Variants in CHERP observed in about 807,000 individuals in gnomAD.
CHERP encodes ERPROT 213-21.
CHERP carries 8 observed loss-of-function variants against 113.8 expected under a neutral mutation model. The observed-to-expected ratio is 0.07, with a 90% CI of 0.04 to 0.13. CHERP has a LOEUF of 0.13. Ranked by LOEUF, CHERP falls within the 10% of genes least tolerant of loss-of-function variation. The probability of loss-of-function intolerance (pLI) is 1.00; values close to 1 mark genes in which losing one functional copy is unlikely to be tolerated. For synonymous variants in CHERP, 559 were observed against 524.5 expected (o/e 1.07, Z -0.90); for missense variants, 884 against 1,298.2 (o/e 0.68, Z 4.90).
Position 16,518,937 on chromosome 19 carries a change from A to G in CHERP, c.*222T>C. ...ACGAGCCTGGGGCCCTGGTGGCTGC[A>G]GCGCCTCCTGGTGTGGTTTGTGGGT... On this transcript the variant is annotated 3_prime_UTR_variant, in exon 17 of 17. Transcript: ENST00000546361. The G allele has an allele frequency of 7.0e-6, 4 of 569,870 alleles. No homozygotes were observed. The highest frequency in any genetic ancestry group is 3.0e-5 in the East Asian group (1 of 32,838). 35.3% of individuals were successfully genotyped at this position (569,870 alleles called of 1,614,324 possible).
At chr19:16,533,605 T>G (rs2085721623) in intron 3 of CHERP, among the ~76,000 whole-genome samples, 1 of 151,560 alleles carries the variant, frequency 6.6e-6, no homozygotes, top group Non-Finnish European at 1.5e-5. Flanking sequence ...AAAAATAAAA[T>G]ACAAATTAGT....
chr19:16,520,502 G>T lies in CHERP; in HGVS notation c.2207C>A (p.Pro736His). 1 of 1,612,556 alleles carries T rather than the reference G, an allele frequency of 6.2e-7. No individual in the cohort carries two copies. Among genetic ancestry groups the T allele is most frequent in the Non-Finnish European group, 8.5e-7 (1 of 1,179,208 alleles). Residue 736 changes from proline to histidine, a missense_variant, in exon 14 of 17, where the codon CCC becomes CAC. Physicochemically the swap from Pro to His is moderately conservative, Grantham distance 77. Around this residue, in one of 8 missense-constraint regions of CHERP, gnomAD observed 159 missense variants for 185.8 expected, o/e 0.86. Transcript: ENST00000546361. The surrounding 1 kb of genome is among the most constrained non-coding windows in gnomAD (Gnocchi z 4.0). ...CTTGGATCTGCTCCGAGACCTCGAG[G>T]GTCCGCTGTGGGGAGAGGCCTGATG... ...RKGQEKRNSGPSRSRSRSKSR... is the reference protein window; with the variant it reads ...RKGQEKRNSGHSRSRSRSKSR...
Position 16,541,940 on chromosome 19 carries a change from T to C in CHERP, c.129A>G (p.Lys43=). Residue 43 remains lysine, a synonymous_variant, in exon 2 of 17, where the codon AAA becomes AAG. Coordinates refer to ENST00000546361, the MANE Select transcript of CHERP (RefSeq NM_006387.6). ...ATTCGCCTCCGAAAAGAAACGAGAA[T>C]TTGGGGTTGTCCTTCTGCTTCTCCA... is the stretch of plus-strand genomic sequence containing the variant. ...MTMEKQKDNP[K]FSFLFGGEFY... 1 of 1,614,110 alleles carries C rather than the reference T, an allele frequency of 6.2e-7. No individual in the cohort carries two copies. The highest frequency in any genetic ancestry group is 8.5e-7 in the Non-Finnish European group (1 of 1,179,996).
At chr19:16,539,529 C>T (rs891872485) in intron 2 of CHERP, among the ~76,000 whole-genome samples, 1 of 152,104 alleles carries the variant, frequency 6.6e-6, no homozygotes, top group Non-Finnish European at 1.5e-5. Context: ...ATTTTGCTTA[C>T]GATTTCAGGC....
intron 5 of CHERP, among the ~76,000 whole-genome samples, chr19:16,531,176 G>C (rs555570701): frequency 1.1e-3 from 163 of 152,342 alleles, no homozygotes; most frequent in African/African-American, 3.9e-3. Flanking sequence ...TTCCCTCTTG[G>C]GTGGCGCTGC....
intron 11 of CHERP, 53 bp from the exon 12 acceptor site, chr19:16,521,707 C>T: frequency 6.7e-7 from 1 of 1,486,100 alleles, no homozygotes; most frequent in Non-Finnish European, 9.0e-7. Context: ...CCTCTCAGGC[C>T]CACCCAGGGT....
intron 2 of CHERP, among the ~76,000 whole-genome samples, chr19:16,540,703 C>T (rs1425360458): frequency 2.8e-5 from 4 of 141,244 alleles, no homozygotes; most frequent in African/African-American, 7.8e-5. Flanking sequence ...TTCTTTCTTT[C>T]TTTTTTTTTT....
Position 16,518,969 on chromosome 19 carries a change from C to T in CHERP, c.*190G>A, listed in dbSNP as rs555774684. The T allele has an allele frequency of 5.5e-5, 34 of 614,130 alleles. No homozygotes were observed. Among genetic ancestry groups the T allele is most frequent in the Non-Finnish European group, 7.8e-5 (28 of 358,534 alleles). The allele number at this position is 614,130 out of a possible 1,614,324, so 38.0% of individuals were successfully genotyped here. On this transcript the variant is annotated 3_prime_UTR_variant, in exon 17 of 17. Transcript: ENST00000546361. The stretch of plus-strand genomic sequence containing the variant: ...CCTGGTGTGGTTTGTGGGTGGCACC[C>T]GTGCCCTCCACGCCATGGAGCACGG...
chr19:16,528,488 G>T (rs12459399), intron 8 of CHERP, among the ~76,000 whole-genome samples: 12,623 of 152,210 alleles, frequency 0.083, 606 homozygotes, highest in Admixed American at 0.11. Flanking sequence ...ACAAGAAACA[G>T]GCCTCACTTC....
At position 16,523,190 on chromosome 19, in the gene CHERP, A is replaced by T. The variant is rs1443456401; in HGVS notation, c.1842T>A (p.Pro614=). ...WAGPQHPDFG[P]PPHGFNGQPP... The stretch of plus-strand genomic sequence containing the variant: ...GCTGCCCGTTGAAGCCATGGGGGGG[A>T]GGGCCGAAGTCAGGGTGCTGGGGTC... The change falls in exon 11 of 17, where the codon CCT becomes CCA. Residue 614 remains proline, a synonymous_variant. Transcript: ENST00000546361. This position sits in a 1 kb window ranked among gnomAD's most constrained non-coding sequence, Gnocchi z 4.0. The T allele has an allele frequency of 6.4e-7, 1 of 1,568,272 alleles. No individual in the cohort carries two copies. Among genetic ancestry groups the T allele is most frequent in the African/African-American group, 1.4e-5 (1 of 71,272 alleles).
rs543825194 is a variant in CHERP at position 16,520,707 on chromosome 19, C to A, written c.2201+119G>T. 1 of 1,192,096 alleles carries A rather than the reference C, an allele frequency of 8.4e-7. No homozygotes were observed. The highest frequency in any genetic ancestry group is 1.8e-5 in the Admixed American group (1 of 56,778). The allele number at this position is 1,192,096 out of a possible 1,614,324, so 73.8% of individuals were successfully genotyped here. A position where few individuals can be genotyped will look rare whatever the true frequency, so the allele number is the denominator to read the frequency against. On this transcript the variant is annotated intron_variant, in intron 13 of 16. Coordinates refer to ENST00000546361, the MANE Select transcript of CHERP (RefSeq NM_006387.6). This position sits in a 1 kb window ranked among gnomAD's most constrained non-coding sequence, Gnocchi z 4.0. ...TGAATTCAGGCCTTGTGGAAAACAC[C>A]GCCCCATAGGCACAGGCTGTGTGAG...
In CHERP at chr19:16,521,593, G is replaced by A. The variant is rs1263604872; in HGVS notation, c.2042C>T (p.Pro681Leu). 2 of 1,609,346 alleles carry A rather than the reference G, an allele frequency of 1.2e-6. No individual in the cohort carries two copies. The highest frequency in any genetic ancestry group is 1.7e-6 in the Non-Finnish European group (2 of 1,178,146). Reference sequence around the variant, plus strand: ...TGCAGCCAGCAGCCTCTCGCTGGGCGGCATGGGGGGTGGGAGGCGGATGTC... The same window carrying A: ...TGCAGCCAGCAGCCTCTCGCTGGGCAGCATGGGGGGTGGGAGGCGGATGTC... ...PKDIRLPPPM[P>L]PSERLLAAVE... Residue 681 changes from proline (P) to leucine (L), a missense_variant, in exon 12 of 17, where the codon CCG becomes CTG. Pro to Leu is a moderately conservative substitution (Grantham distance 98, BLOSUM62 -3). This residue lies in a region of CHERP where 464 missense variants were observed against 590.1 expected (regional missense o/e 0.79). Coordinates refer to ENST00000546361, the MANE Select transcript of CHERP (RefSeq NM_006387.6).
chr19:16,540,953 C>A (rs1226947994), intron 2 of CHERP, among the ~76,000 whole-genome samples: 2 of 152,122 alleles, frequency 1.3e-5, no homozygotes, highest in Non-Finnish European at 2.9e-5. Context: ...CCGCCTTGGA[C>A]TCCCAAAGTG....
At position 16,525,890 on chromosome 19, in the gene CHERP, C is replaced by G. The variant is rs1006061193; in HGVS notation, c.1306-213G>C. 5.9e-5 allele frequency among the ~76,000 whole-genome samples: 9 copies of G among 152,348 alleles called. No homozygotes were observed. The highest frequency in any genetic ancestry group is 8.8e-5 in the Non-Finnish European group (6 of 68,022). On this transcript the variant is annotated intron_variant, in intron 9 of 16. Transcript: ENST00000546361. The surrounding 1 kb of genome is among the most constrained non-coding windows in gnomAD (Gnocchi z 6.5). ...TGCTGCAAAATGACCAGACACCCAA[C>G]CGCTGCACCCGCATCTCAGTCCCGG...
chr19:16,539,564 C>T (rs1287113377), intron 2 of CHERP: 4 of 152,190 alleles, frequency 2.6e-5, no homozygotes, highest in Non-Finnish European at 5.9e-5. Flanking sequence ...CACCCCACCC[C>T]CGCATCTCAA....
intron 2 of CHERP, among the ~76,000 whole-genome samples, chr19:16,540,878 C>T (rs894429570): frequency 1.4e-5 from 2 of 144,936 alleles, no homozygotes; most frequent in East Asian, 2.1e-4. Flanking sequence ...TTGTATTTTT[C>T]GTAGAAACAG....
chr19:16,518,684 C>G lies in CHERP; in HGVS notation c.*475G>C, dbSNP rs916393622. 1 of 164,082 alleles carries G rather than the reference C, an allele frequency of 6.1e-6. No homozygotes were observed. The highest frequency in any genetic ancestry group is 1.3e-5 in the Non-Finnish European group (1 of 76,748). 10.2% of individuals were successfully genotyped at this position (164,082 alleles called of 1,614,324 possible). A position where few individuals can be genotyped will look rare whatever the true frequency, so the allele number is the denominator to read the frequency against. On this transcript the variant is annotated 3_prime_UTR_variant, in exon 17 of 17. Coordinates refer to ENST00000546361, the MANE Select transcript of CHERP (RefSeq NM_006387.6). ...TCATGGCACTGGGCTTCGGCTTTGT[C>G]CCTACACAGCCGAGGGGAAGCCAGG...
Position 16,523,250 on chromosome 19 carries a change from A to G in CHERP, c.1782T>C (p.Pro594=). 6.2e-7 allele frequency: 1 copy of G among 1,601,320 alleles called. No individual in the cohort carries two copies. Among genetic ancestry groups the G allele is most frequent in the South Asian group, 1.1e-5 (1 of 90,190 alleles). ...GCGGGTGCTCGTTGATGCCAGGATGAGGCATGCGGTGGCCAGGGTGGTGGT... is the reference window on the plus strand; with the variant it reads ...GCGGGTGCTCGTTGATGCCAGGATGGGGCATGCGGTGGCCAGGGTGGTGGT... ...PPHHHPGHRM[P]HPGINEHPPW... Residue 594 remains proline (P), a synonymous_variant, in exon 11 of 17, where the codon CCT becomes CCC. Coordinates refer to ENST00000546361, the MANE Select transcript of CHERP (RefSeq NM_006387.6). This position sits in a 1 kb window ranked among gnomAD's most constrained non-coding sequence, Gnocchi z 4.0.
At chr19:16,521,439 G>T in intron 12 of CHERP, 82 bp downstream of exon 12, 7 of 1,350,000 alleles carry the variant, frequency 5.2e-6, no homozygotes, top group African/African-American at 2.9e-5. Context: ...ACATTTTCTA[G>T]CCTGGACAGA....
Sources: allele counts gnomAD v4.1 joint callset (sites outside exome capture counted in the v4.1 genomes callset), GRCh38; gene constraint gnomAD v4.1.1; regional missense constraint gnomAD v4.1.1; non-coding constraint Gnocchi (gnomAD v3.1); transcripts MANE v1.5; gene names NCBI Gene and HGNC (gene_info 2026-07-23, HGNC 2026-07-21).